Variants in LRGUK observed in about 807,000 individuals in gnomAD.
LRGUK encodes the protein leucine-rich repeat and guanylate kinase domain-containing protein.
LRGUK carries 65 observed loss-of-function variants against 76.0 expected under a neutral mutation model. The ratio of observed to expected loss-of-function variants is 0.85; its 90% CI spans 0.70 to 1.05. LRGUK has a LOEUF of 1.05. Ranked by LOEUF, LRGUK falls within the 50% of genes least tolerant of loss-of-function variation. The pLI is 0.00. For missense variants in LRGUK, 758 were observed against 732.8 expected (o/e 1.03, Z -0.40); for synonymous variants, 268 against 265.6 (o/e 1.01, Z -0.09).
chr7:134,176,520 C>T (rs535658276), intron 8 of LRGUK, among the ~76,000 whole-genome samples: 1 of 152,034 alleles, frequency 6.6e-6, no homozygotes, highest in African/African-American at 2.4e-5. Flanking sequence ...GCTGGGACTA[C>T]GGGCACCTGC....
chr7:134,170,461 T>A, intron 7 of LRGUK, among the ~76,000 whole-genome samples: 1 of 152,096 alleles, frequency 6.6e-6, no homozygotes, highest in Non-Finnish European at 1.5e-5. Context: ...TAAGATCTAG[T>A]GTTCAATAGC....
chr7:134,184,154 T>C (rs1006571545), intron 11 of LRGUK, among the ~76,000 whole-genome samples: 2 of 152,230 alleles, frequency 1.3e-5, no homozygotes, highest in African/African-American at 2.4e-5. Context: ...TCTGGAACGA[T>C]AGAATCTTGA....
intron 11 of LRGUK, among the ~76,000 whole-genome samples, chr7:134,189,752 T>C (rs1266731484): frequency 6.6e-6 from 1 of 152,228 alleles, no homozygotes; most frequent in Non-Finnish European, 1.5e-5. Flanking sequence ...ACAGAGGGTG[T>C]CAGGTCTCTG....
chr7:134,132,632 C>T (rs978212240), intron 1 of LRGUK, among the ~76,000 whole-genome samples: 2 of 152,192 alleles, frequency 1.3e-5, no homozygotes, highest in African/African-American at 4.8e-5. Context: ...ACCTGCAGGA[C>T]TGAAGAAAGC....
At chr7:134,249,143 C>G (rs1802384307) in intron 18 of LRGUK, 67 bp downstream of exon 18, 2 of 1,409,844 alleles carry the variant, frequency 1.4e-6, no homozygotes, top group Non-Finnish European at 1.9e-6. Flanking sequence ...TTATGGTACT[C>G]ATCTCTAAGC....
At chr7:134,147,839 A>T (rs1458089515) in intron 4 of LRGUK, among the ~76,000 whole-genome samples, 1 of 151,954 alleles carries the variant, frequency 6.6e-6, no homozygotes. Flanking sequence ...AGGCGGGTGG[A>T]TCATGAGGTC....
At chr7:134,157,589 C>G (rs1477408284) in intron 5 of LRGUK, among the ~76,000 whole-genome samples, 1 of 152,258 alleles carries the variant, frequency 6.6e-6, no homozygotes, top group Non-Finnish European at 1.5e-5. Flanking sequence ...GTGGCGCGAT[C>G]TCTGCTCATT....
At chr7:134,234,931 A>G (rs1001468698) in intron 16 of LRGUK, among the ~76,000 whole-genome samples, 1 of 152,014 alleles carries the variant, frequency 6.6e-6, no homozygotes, top group Admixed American at 6.6e-5. Context: ...TTCTCTCCCA[A>G]CCCAATATCC....
At chr7:134,157,297 C>G (rs1464382247) in intron 5 of LRGUK, among the ~76,000 whole-genome samples, 8 of 152,172 alleles carry the variant, frequency 5.3e-5, no homozygotes, top group Non-Finnish European at 7.3e-5. Flanking sequence ...CTGCAGATGA[C>G]ATCTCCCAGG....
intron 16 of LRGUK, among the ~76,000 whole-genome samples, chr7:134,243,473 A>G (rs1332300257): frequency 1.3e-5 from 2 of 152,182 alleles, no homozygotes; most frequent in Non-Finnish European, 2.9e-5. Flanking sequence ...AGAATAAAAT[A>G]CCTAGGAATC....
chr7:134,217,450 A>G (rs1276882516), intron 15 of LRGUK, among the ~76,000 whole-genome samples: 1 of 152,146 alleles, frequency 6.6e-6, no homozygotes, highest in Admixed American at 6.5e-5. Context: ...AAATGTATTC[A>G]CTTTCCCATA....
At chr7:134,175,386 CAG>C (rs1280834562) in intron 8 of LRGUK, among the ~76,000 whole-genome samples, 1 of 151,998 alleles carries the variant, frequency 6.6e-6, no homozygotes, top group Non-Finnish European at 1.5e-5. Flanking sequence ...AGGTGAAAAA[CAG>C]AAAATACAAG....
chr7:134,264,099 A>G, exon 20 of LRGUK: 1 of 914,968 alleles, frequency 1.1e-6, no homozygotes, highest in South Asian at 4.1e-5. Flanking sequence ...AGAATGTTCT[A>G]CCTGCCTTAA....
At chr7:134,171,294 C>T (rs936122963) in intron 7 of LRGUK, among the ~76,000 whole-genome samples, 3 of 151,826 alleles carry the variant, frequency 2.0e-5, no homozygotes, top group African/African-American at 4.8e-5. Context: ...ATGGGTTCCC[C>T]GCAGTTTGAA....
intron 9 of LRGUK, among the ~76,000 whole-genome samples, chr7:134,177,927 G>T (rs1387309898): frequency 6.6e-6 from 1 of 152,112 alleles, no homozygotes; most frequent in Non-Finnish European, 1.5e-5. Context: ...AATGTATTTA[G>T]AAGAATGGGA....
At chr7:134,261,661 T>G (rs997145456) in intron 19 of LRGUK, among the ~76,000 whole-genome samples, 2 of 152,218 alleles carry the variant, frequency 1.3e-5, no homozygotes, top group African/African-American at 4.8e-5. Context: ...CTTTGATAAG[T>G]GCCCTGTAGA....
chr7:134,182,099 C>T (rs1003277652), intron 10 of LRGUK, among the ~76,000 whole-genome samples: 2 of 152,150 alleles, frequency 1.3e-5, no homozygotes, highest in Non-Finnish European at 2.9e-5. Context: ...TAGAATCATA[C>T]AGTATATAGC....
chr7:134,206,007 G>T (rs759126237), intron 15 of LRGUK, among the ~76,000 whole-genome samples: 1 of 152,204 alleles, frequency 6.6e-6, no homozygotes, highest in Non-Finnish European at 1.5e-5. Flanking sequence ...AGTACAAGCT[G>T]AATTTCTACT....
intron 1 of LRGUK, 57 bp downstream of exon 1, chr7:134,127,721 C>T (rs1797072529): frequency 5.2e-6 from 8 of 1,532,794 alleles, no homozygotes; most frequent in Non-Finnish European, 7.0e-6. Context: ...CCTGTTACTT[C>T]AGCGGCAGCT....
Sources: gnomAD v4.1 joint callset for allele counts (sites outside exome capture counted in the v4.1 genomes callset) on GRCh38, gnomAD v4.1.1 for gene constraint, MANE v1.5 for transcripts, NCBI Gene and HGNC (gene_info 2026-07-23, HGNC 2026-07-21) for gene names.